The following NR2F1-AS1 variants were observed in gnomAD, a reference collection of about 807,000 sequenced individuals.
NR2F1-AS1 encodes NR2F1 regulatory antisense RNA 1.
chr5:93,507,391 C>T (rs1365159826), intron 4 of NR2F1-AS1, among the ~76,000 whole-genome samples: 1 of 151,812 alleles, frequency 6.6e-6, no homozygotes, highest in African/African-American at 2.4e-5. Context: ...AAGTCTCGCT[C>T]TTGTTGCCCA....
At chr5:93,487,931 A>G (rs1387741896) in intron 4 of NR2F1-AS1, among the ~76,000 whole-genome samples, 1 of 152,184 alleles carries the variant, frequency 6.6e-6, no homozygotes. Context: ...CCTCAGAAAT[A>G]AGACCACACA....
At chr5:93,430,884 T>C (rs1324753420) in intron 4 of NR2F1-AS1, among the ~76,000 whole-genome samples, 1 of 151,982 alleles carries the variant, frequency 6.6e-6, no homozygotes, top group East Asian at 1.9e-4. Context: ...ATCATCATCA[T>C]CATCATCATG....
intron 2 of NR2F1-AS1, among the ~76,000 whole-genome samples, chr5:93,556,840 T>C (rs1752368061): frequency 6.6e-6 from 1 of 152,176 alleles, no homozygotes; most frequent in African/African-American, 2.4e-5. Context: ...AGACAATAGA[T>C]TTCTGTTGAG....
intron 4 of NR2F1-AS1, among the ~76,000 whole-genome samples, chr5:93,528,482 A>C (rs1432503828): frequency 6.6e-6 from 1 of 152,224 alleles, no homozygotes; most frequent in Non-Finnish European, 1.5e-5. Flanking sequence ...ATTGTGGAAG[A>C]CAGTGTGGTG....
intron 4 of NR2F1-AS1, among the ~76,000 whole-genome samples, chr5:93,471,545 T>C (rs1053917226): frequency 6.6e-6 from 1 of 152,004 alleles, no homozygotes; most frequent in South Asian, 2.1e-4. Flanking sequence ...ATATAAAATA[T>C]ATGAAAAATT....
intron 4 of NR2F1-AS1, among the ~76,000 whole-genome samples, chr5:93,519,132 C>G (rs1751452507): frequency 1.3e-5 from 2 of 151,952 alleles, no homozygotes; most frequent in South Asian, 4.1e-4. Context: ...TATCTTTTTA[C>G]TTTGGTTGTG....
chr5:93,453,848 G>A (rs1220678972), intron 4 of NR2F1-AS1, among the ~76,000 whole-genome samples: 1 of 152,066 alleles, frequency 6.6e-6, no homozygotes, highest in Non-Finnish European at 1.5e-5. Context: ...GGCACTACAA[G>A]AAATGTTAAA....
chr5:93,471,727 C>G (rs1480387276), intron 4 of NR2F1-AS1, among the ~76,000 whole-genome samples: 4 of 151,766 alleles, frequency 2.6e-5, no homozygotes, highest in African/African-American at 9.7e-5. Context: ...TTCACATGCA[C>G]AGTAAAGAAA....
At chr5:93,574,914 TC>T (rs1487825961) in intron 1 of NR2F1-AS1, among the ~76,000 whole-genome samples, 1 of 152,150 alleles carries the variant, frequency 6.6e-6, no homozygotes, top group East Asian at 1.9e-4. Context: ...GGGAAACATA[TC>T]CGTTGGGGTT....
At chr5:93,469,486 A>C (rs993528435) in intron 4 of NR2F1-AS1, among the ~76,000 whole-genome samples, 5 of 152,160 alleles carry the variant, frequency 3.3e-5, no homozygotes, top group Non-Finnish European at 5.9e-5. Flanking sequence ...TTCTGTGTAT[A>C]CAGAGAACCC....
chr5:93,499,483 CT>C (rs1751033741), intron 4 of NR2F1-AS1, among the ~76,000 whole-genome samples: 1 of 152,082 alleles, frequency 6.6e-6, no homozygotes, highest in Non-Finnish European at 1.5e-5. Flanking sequence ...GATCAGTGAT[CT>C]TTGATGTTAC....
At chr5:93,570,911 G>C (rs1752748104) in intron 1 of NR2F1-AS1, 1 of 152,230 alleles carries the variant, frequency 6.6e-6, no homozygotes, top group South Asian at 2.1e-4. Context: ...CCAGGGAAAG[G>C]GGTGGGAGGG....
chr5:93,581,695 T>TGG, upstream of NR2F1-AS1, among the ~76,000 whole-genome samples: 1 of 57,616 alleles, frequency 1.7e-5, no homozygotes, highest in Non-Finnish European at 3.3e-5. Flanking sequence ...TCTCTCTCTC[T>TGG]CTCTCTCTCT....
intron 4 of NR2F1-AS1, among the ~76,000 whole-genome samples, chr5:93,494,415 T>G (rs1204075053): frequency 6.6e-6 from 1 of 152,180 alleles, no homozygotes; most frequent in Non-Finnish European, 1.5e-5. Context: ...GATGATCACT[T>G]GAGCCCAGCA....
chr5:93,520,523 A>C (rs1243433540), intron 4 of NR2F1-AS1, among the ~76,000 whole-genome samples: 1 of 152,146 alleles, frequency 6.6e-6, no homozygotes, highest in Non-Finnish European at 1.5e-5. Context: ...TACAGGTTTT[A>C]CTGAATGAAG....
chr5:93,578,056 T>A (rs946997244), intron 1 of NR2F1-AS1, among the ~76,000 whole-genome samples: 1 of 151,958 alleles, frequency 6.6e-6, no homozygotes, highest in Non-Finnish European at 1.5e-5. Flanking sequence ...GATATCAATA[T>A]CAAAAAAAGC....
chr5:93,582,527 C>G (rs1234704674), upstream of NR2F1-AS1, among the ~76,000 whole-genome samples: 2 of 152,094 alleles, frequency 1.3e-5, no homozygotes, highest in Non-Finnish European at 2.9e-5. Context: ...TTGGATTGTG[C>G]TTATATGTGA....
chr5:93,525,410 C>G (rs575968304), intron 4 of NR2F1-AS1, among the ~76,000 whole-genome samples: 1 of 152,124 alleles, frequency 6.6e-6, no homozygotes. Flanking sequence ...ACAATAATAG[C>G]GGGGGACTTT....
intron 4 of NR2F1-AS1, among the ~76,000 whole-genome samples, chr5:93,455,595 A>C (rs1346330213): frequency 2.0e-5 from 3 of 152,184 alleles, no homozygotes; most frequent in Non-Finnish European, 4.4e-5. Context: ...AATAGGTTAA[A>C]AGTAAAAAGT....
Sources: gnomAD v4.1 joint callset for allele counts (sites outside exome capture counted in the v4.1 genomes callset) on GRCh38, gnomAD v4.1.1 for gene constraint, MANE v1.5 for transcripts, NCBI Gene and HGNC (gene_info 2026-07-23, HGNC 2026-07-21) for gene names.